CNTN4: variants seen among roughly 807,000 people sequenced by gnomAD.
CNTN4 encodes the protein contactin 4.
Under a neutral mutation model 122.5 loss-of-function variants are expected in CNTN4, and 77 were observed. That is an observed-to-expected ratio of 0.63 (90% CI 0.52 to 0.76). The LOEUF (loss-of-function observed/expected upper bound fraction) is 0.76, where lower values mean the gene tolerates loss of function less well. Ranked by LOEUF, CNTN4 falls within the 30% of genes least tolerant of loss-of-function variation. CNTN4 has a pLI of 0.00. For missense variants in CNTN4, 1,256 were observed against 1,259.1 expected (o/e 1.00, Z 0.04); for synonymous variants, 512 against 447.0 (o/e 1.15, Z -1.83).
intron 4 of CNTN4, among the ~76,000 whole-genome samples, chr3:2,679,600 T>G (rs1017604883): frequency 6.6e-6 from 1 of 152,188 alleles, no homozygotes; most frequent in African/African-American, 2.4e-5. Flanking sequence ...CCAATTTTTG[T>G]ATGTATGGGA....
In CNTN4 at chr3:3,040,250, G is replaced by A. The variant is rs759756337; in HGVS notation, c.2377G>A (p.Val793Met). ...AGAAGGCCCTTTCAGTCCCACCACG[G>A]TGGTGTATTCTGCAGAAGAAGGTAT... ...KGEGPFSPTT[V>M]VYSAEEEPTK... Residue 793 changes from valine to methionine, a missense_variant, in exon 20 of 25, where the codon GTG becomes ATG. Val to Met is a conservative substitution (Grantham distance 21). Coordinates refer to ENST00000418658, the MANE Select transcript of CNTN4 (RefSeq NM_175607.3). 21 of 1,613,642 alleles carry A rather than the reference G, an allele frequency of 1.3e-5. No homozygotes were observed. The South Asian group carries it at 2.2e-4, about 17-fold the overall frequency.
intron 3 of CNTN4, among the ~76,000 whole-genome samples, chr3:2,422,207 A>G (rs1479087530): frequency 1.3e-5 from 2 of 152,180 alleles, no homozygotes; most frequent in Non-Finnish European, 1.5e-5. Flanking sequence ...TCTGAAGTCA[A>G]TTTGTGTTAT....
chr3:2,439,654 G>A (rs2048366105), intron 3 of CNTN4, among the ~76,000 whole-genome samples: 1 of 152,092 alleles, frequency 6.6e-6, no homozygotes, highest in South Asian at 2.1e-4. Flanking sequence ...GCTTGTGTGT[G>A]TGTCTGTATC....
intron 4 of CNTN4, among the ~76,000 whole-genome samples, chr3:2,696,996 A>G (rs2086072381): frequency 6.6e-6 from 1 of 152,186 alleles, no homozygotes; most frequent in Admixed American, 6.5e-5. Flanking sequence ...AAATAAAATT[A>G]TTCTCCTCTT....
intron 3 of CNTN4, among the ~76,000 whole-genome samples, chr3:2,508,986 C>G (rs1055984190): frequency 5.3e-5 from 8 of 152,054 alleles, no homozygotes; most frequent in Admixed American, 1.3e-4. Flanking sequence ...TAATTAACAC[C>G]TACCATTAAA....
intron 2 of CNTN4, among the ~76,000 whole-genome samples, chr3:2,326,245 G>A (rs1188679827): frequency 1.3e-5 from 2 of 152,140 alleles, no homozygotes; most frequent in Non-Finnish European, 2.9e-5. Context: ...TTTGAACTGG[G>A]ACATTGGCTT....
intron 4 of CNTN4, among the ~76,000 whole-genome samples, chr3:2,588,300 A>G (rs868346561): frequency 1.3e-5 from 2 of 152,200 alleles, no homozygotes; most frequent in Non-Finnish European, 2.9e-5. Flanking sequence ...TAGTTTAATC[A>G]GAAGAACTCA....
At chr3:2,782,985 T>A (rs964675232) in intron 6 of CNTN4, among the ~76,000 whole-genome samples, 4 of 152,130 alleles carry the variant, frequency 2.6e-5, no homozygotes, top group Non-Finnish European at 4.4e-5. Context: ...TCCCTAACTT[T>A]AGAGGTGAGG....
rs989132695 is a variant in CNTN4 at position 2,673,708 on chromosome 3, T to C, written c.56-62507T>C. Among the ~76,000 whole-genome samples, 8 of 151,672 alleles carry C rather than the reference T, an allele frequency of 5.3e-5. No homozygotes were observed. In the South Asian group the frequency reaches 8.3e-4, roughly 16 times the overall value. ...GGTGCCCACCACCACGCCCGGCTAA[T>C]TTTTTTTGCATTTTTAGTAGAGACA... On this transcript the variant is annotated intron_variant, in intron 4 of 24. Coordinates refer to ENST00000418658, the MANE Select transcript of CNTN4 (RefSeq NM_175607.3).
Position 2,291,115 on chromosome 3 carries a change from A to G in CNTN4, c.-144-48063A>G, listed in dbSNP as rs79050933. Among the ~76,000 whole-genome samples the G allele has an allele frequency of 6.2e-3, 944 of 152,122 alleles. 6 individuals are homozygous for G. Among genetic ancestry groups the G allele is most frequent in the African/African-American group, 0.021 (877 of 41,492 alleles). On this transcript the variant is annotated intron_variant, in intron 2 of 24. Coordinates refer to ENST00000418658, the MANE Select transcript of CNTN4 (RefSeq NM_175607.3). Reference sequence around the variant, plus strand: ...GGCCACTGAGAATCTAGACCCCATCACTGCAGATGTGATGATATTTTTGTT... The same window carrying G: ...GGCCACTGAGAATCTAGACCCCATCGCTGCAGATGTGATGATATTTTTGTT...
intron 6 of CNTN4, among the ~76,000 whole-genome samples, chr3:2,798,451 G>A (rs2092265714): frequency 6.7e-6 from 1 of 149,320 alleles, no homozygotes; most frequent in African/African-American, 2.5e-5. Context: ...AGACATTTGG[G>A]TTGATTCCAT....
intron 2 of CNTN4, among the ~76,000 whole-genome samples, chr3:2,296,524 C>G (rs1433378930): frequency 6.6e-6 from 1 of 152,046 alleles, no homozygotes; most frequent in African/African-American, 2.4e-5. Flanking sequence ...CCATAATTGA[C>G]AAGTAATAAC....
At chr3:2,498,917 G>A (rs1040376387) in intron 3 of CNTN4, among the ~76,000 whole-genome samples, 1 of 151,882 alleles carries the variant, frequency 6.6e-6, no homozygotes, top group Admixed American at 6.6e-5. Flanking sequence ...AGCTTCCCAA[G>A]TAGCTGGGAC....
At chr3:2,776,340 T>C (rs1356949411) in intron 6 of CNTN4, among the ~76,000 whole-genome samples, 8 of 151,644 alleles carry the variant, frequency 5.3e-5, no homozygotes. Context: ...GGAAAGAATA[T>C]TTAGGTATAT....
At chr3:2,928,611 G>C (rs1187504670) in intron 13 of CNTN4, among the ~76,000 whole-genome samples, 1 of 152,130 alleles carries the variant, frequency 6.6e-6, no homozygotes, top group Non-Finnish European at 1.5e-5. Flanking sequence ...CAAAAGGCAA[G>C]TCTTTAACCT....
intron 14 of CNTN4, among the ~76,000 whole-genome samples, chr3:3,009,469 T>C (rs555849206): frequency 2.0e-5 from 3 of 152,128 alleles, no homozygotes; most frequent in South Asian, 2.1e-4. Context: ...AGTCTTGCTC[T>C]GTCGCCCAGG....
At chr3:2,898,657 A>T (rs938009418) in intron 10 of CNTN4, among the ~76,000 whole-genome samples, 2 of 152,188 alleles carry the variant, frequency 1.3e-5, no homozygotes, top group African/African-American at 4.8e-5. Context: ...CTCTCTCTGC[A>T]TGTGATTTTG....
rs762132167 is a variant in CNTN4, at chr3:2,925,751, G to A, written c.1330G>A (p.Gly444Arg). The change falls in exon 13 of 25, where the codon GGA (glycine) becomes AGA (arginine). Residue 444 changes from glycine to arginine, a missense_variant. Physicochemically the swap from Gly to Arg is moderately radical, Grantham distance 125. Transcript: ENST00000418658. ...SPKPVYTWKK[G>R]RDILKENERI... ...AAAACCTGTTTACACCTGGAAGAAA[G>A]GAAGGGATATATTAAAAGAAAATGA... The A allele has an allele frequency of 1.9e-6, 3 of 1,613,744 alleles. No homozygotes were observed. In the Admixed American group the frequency reaches 5.0e-5, roughly 27 times the overall value.
chr3:2,132,112 G>A (rs780268348), intron 2 of CNTN4, among the ~76,000 whole-genome samples: 23 of 152,280 alleles, frequency 1.5e-4, no homozygotes, highest in South Asian at 1.2e-3. Context: ...TCTAGGGGAA[G>A]CTACTGCCAT....
Sources: gnomAD v4.1 joint callset for allele counts (sites outside exome capture counted in the v4.1 genomes callset) on GRCh38, gnomAD v4.1.1 for gene constraint, MANE v1.5 for transcripts, NCBI Gene and HGNC (gene_info 2026-07-23, HGNC 2026-07-21) for gene names.